SH3TC2: variants seen among roughly 807,000 people sequenced by gnomAD.
SH3TC2 encodes SH3 domain and tetratricopeptide repeats 2.
SH3TC2 carries 87 observed loss-of-function variants against 124.5 expected under a neutral mutation model. That is an observed-to-expected ratio of 0.70 (90% CI 0.59 to 0.84). The LOEUF is 0.84. Among genes scored for constraint, SH3TC2 ranks in the 40% least tolerant of loss-of-function variants. The pLI is 0.00. For missense variants in SH3TC2, 1,536 were observed against 1,566.4 expected (o/e 0.98, Z 0.33); for synonymous variants, 634 against 628.5 (o/e 1.01, Z -0.13).
intron 12 of SH3TC2, among the ~76,000 whole-genome samples, chr5:149,021,211 G>A (rs1372924453): frequency 1.3e-5 from 2 of 151,952 alleles, no homozygotes; most frequent in East Asian, 3.9e-4. Flanking sequence ...GAATCACAAA[G>A]GATATTAGAA....
At chr5:149,023,671 C>T (rs556890357) in intron 12 of SH3TC2, among the ~76,000 whole-genome samples, 2 of 149,534 alleles carry the variant, frequency 1.3e-5, no homozygotes, top group African/African-American at 5.0e-5. Context: ...GCAACCTCAC[C>T]TCCTGGGTTC....
chr5:149,008,794 C>T, intron 15 of SH3TC2, 57 bp downstream of exon 15: 1 of 1,611,188 alleles, frequency 6.2e-7, no homozygotes, highest in Admixed American at 1.7e-5. Flanking sequence ...GCTTTGCTGT[C>T]TATCCTTGAC....
In SH3TC2 at chr5:149,009,237, A is replaced by G. The variant is rs115190093; in HGVS notation, c.3328-236T>C. On this transcript the variant is annotated intron_variant, in intron 14 of 16. Coordinates refer to ENST00000515425, the MANE Select transcript of SH3TC2 (RefSeq NM_024577.4). ...AGTAGAGGGCATTGGGCTTCCTATA[A>G]TTGGGGAAACCTGGAGTAGGAAAGG... 5.1e-3 allele frequency among the ~76,000 whole-genome samples: 772 copies of G among 152,262 alleles called. 10 individuals carry two copies. The highest frequency in any genetic ancestry group is 0.018 in the African/African-American group (730 of 41,550).
chr5:149,060,998 T>C (rs1322972751), intron 1 of SH3TC2, among the ~76,000 whole-genome samples: 1 of 152,186 alleles, frequency 6.6e-6, no homozygotes, highest in Non-Finnish European at 1.5e-5. Flanking sequence ...CCAGATCGAC[T>C]GGACTTGGAC....
At chr5:149,055,163 A>C (rs1175092742) in intron 1 of SH3TC2, among the ~76,000 whole-genome samples, 2 of 152,240 alleles carry the variant, frequency 1.3e-5, no homozygotes, top group Non-Finnish European at 2.9e-5. Context: ...AAAAGGAATA[A>C]TGGATAAATA....
intron 9 of SH3TC2, among the ~76,000 whole-genome samples, chr5:149,029,553 GA>G (rs1379760134): frequency 6.6e-6 from 1 of 152,122 alleles, no homozygotes; most frequent in African/African-American, 2.4e-5. Context: ...TGGGGGAAAA[GA>G]AAAGCAGCAG....
chr5:148,996,178 T>C lies in SH3TC2; in HGVS notation c.*8533A>G, dbSNP rs139372772. On this transcript the variant is annotated 3_prime_UTR_variant, in exon 17 of 17. Transcript: ENST00000515425. ...GAAGTGGGAGGATCACCCAAGCACC[T>C]GAGTCTAGAAGGTCGAGGTAGCAGT... 8.4e-3 allele frequency among the ~76,000 whole-genome samples: 1,283 copies of C among 151,984 alleles called. 15 individuals carry two copies. Among genetic ancestry groups the C allele is most frequent in the Non-Finnish European group, 0.011 (723 of 67,994 alleles).
At position 149,004,786 on chromosome 5, in the gene SH3TC2, G is replaced by C. The variant is rs1753657335; in HGVS notation, c.3792C>G (p.Pro1264=). 1 of 1,614,110 alleles carries C rather than the reference G, an allele frequency of 6.2e-7. No individual in the cohort carries two copies. Among genetic ancestry groups the C allele is most frequent in the East Asian group, 2.2e-5 (1 of 44,840 alleles). Reference sequence around the variant, plus strand: ...ACCCGGAGGGCCTGCTGTGCCACAGGGGGCTCTGGCAGATGTTGTCCAGCC... The same window carrying C: ...ACCCGGAGGGCCTGCTGTGCCACAGCGGGCTCTGGCAGATGTTGTCCAGCC... ...RSRLDNICQS[P]LWHSRPSGCS... The change falls in exon 17 of 17, where the codon CCC becomes CCG. Residue 1264 remains proline, a synonymous_variant. Coordinates refer to ENST00000515425, the MANE Select transcript of SH3TC2 (RefSeq NM_024577.4).
At chr5:149,017,451 C>T (rs1386912839) in intron 12 of SH3TC2, among the ~76,000 whole-genome samples, 2 of 152,128 alleles carry the variant, frequency 1.3e-5, no homozygotes, top group Non-Finnish European at 1.5e-5. Flanking sequence ...GACAAAGGGA[C>T]AGAAAAGTGT....
intron 6 of SH3TC2, 54 bp from the exon 7 acceptor site, chr5:149,040,731 T>A (rs916878040): frequency 1.4e-5 from 19 of 1,388,774 alleles, no homozygotes; most frequent in East Asian, 1.4e-4. Flanking sequence ...ATTGCAACAA[T>A]GAACAGAACA....
At chr5:149,036,086 G>A (rs953364635) in intron 8 of SH3TC2, 4 of 152,124 alleles carry the variant, frequency 2.6e-5, no homozygotes, top group Non-Finnish European at 4.4e-5. Flanking sequence ...TTAAAGTCAC[G>A]GCAATCCTAT....
At chr5:149,050,392 C>G (rs185214657) in intron 2 of SH3TC2, among the ~76,000 whole-genome samples, 1 of 152,166 alleles carries the variant, frequency 6.6e-6, no homozygotes, top group Non-Finnish European at 1.5e-5. Flanking sequence ...GCAGCTACAG[C>G]CATCTCCCCT....
intron 12 of SH3TC2, among the ~76,000 whole-genome samples, chr5:149,020,900 G>C (rs1158415246): frequency 6.6e-6 from 1 of 152,030 alleles, no homozygotes; most frequent in Non-Finnish European, 1.5e-5. Context: ...AGAAGAACTA[G>C]ACATAAGAAC....
At chr5:149,049,185 T>G (rs1336298727) in intron 2 of SH3TC2, among the ~76,000 whole-genome samples, 1 of 152,214 alleles carries the variant, frequency 6.6e-6, no homozygotes, top group Non-Finnish European at 1.5e-5. Flanking sequence ...CGTGGGTGTT[T>G]GTTCCATGCA....
chr5:149,041,515 G>T lies in SH3TC2; in HGVS notation c.632C>A (p.Ala211Glu). Residue 211 changes from alanine to glutamate, a missense_variant, in exon 6 of 17, where the codon GCA becomes GAA. Physicochemically the swap from Ala to Glu is moderately radical, Grantham distance 107. Transcript: ENST00000515425. ...CKNELISVKM[A>E]EAGSELEGVS... ...GCCTTCCAACTCGGAGCCAGCTTCTGCCATCTTCACTGAGATTAACTCATT... is the reference window on the plus strand; with the variant it reads ...GCCTTCCAACTCGGAGCCAGCTTCTTCCATCTTCACTGAGATTAACTCATT... 2 of 1,614,176 alleles carry T rather than the reference G, an allele frequency of 1.2e-6. 1 individual carries two copies.
chr5:149,006,756 A>G (rs1002441266), intron 16 of SH3TC2, 125 bp downstream of exon 16: 64 of 978,694 alleles, frequency 6.5e-5, no homozygotes, highest in Middle Eastern at 3.1e-4. Context: ...CCTATGAGAC[A>G]AGACTTCTCA....
At position 149,031,653 on chromosome 5, in the gene SH3TC2, T is replaced by G; in HGVS notation, c.1036A>C (p.Arg346=). Residue 346 remains arginine (R), a synonymous_variant, in exon 9 of 17, where the codon AGA becomes CGA. Transcript: ENST00000515425. ...RNSAFLSDEE[R]CSLLALGSDK... Reference sequence around the variant, plus strand: ...CTTCCCAGGGCCAACAGGGAGCATCTCTCCTCATCACTGAGAAAGGCAGAG... The same window carrying G: ...CTTCCCAGGGCCAACAGGGAGCATCGCTCCTCATCACTGAGAAAGGCAGAG... The G allele has an allele frequency of 6.2e-7, 1 of 1,614,028 alleles. No homozygotes were observed. The highest frequency in any genetic ancestry group is 8.5e-7 in the Non-Finnish European group (1 of 1,180,020).
rs559919072 is a variant in SH3TC2, at chr5:149,000,043, A to G, written c.*4668T>C. Among the ~76,000 whole-genome samples, 1 of 152,296 alleles carries G rather than the reference A, an allele frequency of 6.6e-6. No individual in the cohort carries two copies. The highest frequency in any genetic ancestry group is 2.1e-4 in the South Asian group (1 of 4,826). ...GTGTCCCTTTCAGAACTCAGTTTGG[A>G]TATCACGTCCTCCAGAAAGCCCTTC... On this transcript the variant is annotated 3_prime_UTR_variant, in exon 17 of 17. Coordinates refer to ENST00000515425, the MANE Select transcript of SH3TC2 (RefSeq NM_024577.4).
intron 1 of SH3TC2, chr5:149,062,247 C>T: frequency 2.2e-6 from 1 of 455,138 alleles, no homozygotes; most frequent in Non-Finnish European, 4.5e-6. Flanking sequence ...ACCACTCATC[C>T]TGATAAACAC....
Sources: gnomAD v4.1 joint callset for allele counts (sites outside exome capture counted in the v4.1 genomes callset) on GRCh38, gnomAD v4.1.1 for gene constraint, MANE v1.5 for transcripts, NCBI Gene and HGNC (gene_info 2026-07-23, HGNC 2026-07-21) for gene names.